Variants in RPL31 observed in about 807,000 individuals in gnomAD.
RPL31 encodes large ribosomal subunit protein eL31.
For missense variants in RPL31, 95 were observed against 164.0 expected (o/e 0.58, Z 2.30); for synonymous variants, 51 against 55.0 (o/e 0.93, Z 0.32).
At chr2:101,004,423 T>A in intron 3 of RPL31, 140 bp downstream of exon 3, 2 of 860,134 alleles carry the variant, frequency 2.3e-6, no homozygotes, top group Non-Finnish European at 1.8e-6. Context: ...GACCGTGACT[T>A]AGGGTGTGTA....
chr2:101,003,594 CTGT>C (rs1266953776), intron 2 of RPL31, among the ~76,000 whole-genome samples: 23 of 152,292 alleles, frequency 1.5e-4, no homozygotes, highest in African/African-American at 5.3e-4. Context: ...TTGCCAGCTG[CTGT>C]TATTTCTAGT....
chr2:101,006,219 A>T, intron 4 of RPL31, 131 bp from the exon 5 acceptor site: 1 of 1,512,160 alleles, frequency 6.6e-7, no homozygotes, highest in East Asian at 2.4e-5. Flanking sequence ...AAAGAATGCA[A>T]AACTGATCCA....
downstream of RPL31, chr2:101,007,696 G>GTTGT: frequency 1.0e-6 from 1 of 975,334 alleles, no homozygotes; most frequent in Non-Finnish European, 1.5e-6. Flanking sequence ...AGTTTGTCAG[G>GTTGT]TTGTTTAGCC....
chr2:101,017,147 T>C (rs546740688), intron 4 of RPL31, among the ~76,000 whole-genome samples: 2 of 151,752 alleles, frequency 1.3e-5, no homozygotes, highest in South Asian at 4.2e-4. Context: ...AATATCAGTG[T>C]CTTCCACGTC....
downstream of RPL31, chr2:101,007,879 A>C (rs746657341): frequency 3.3e-5 from 54 of 1,613,586 alleles, no homozygotes; most frequent in Non-Finnish European, 4.6e-5. Context: ...AAAAGTTTTG[A>C]GATTGTACTG....
rs1256840976 is a variant in RPL31 at position 101,006,454 on chromosome 2, GTACTTGTA to G, written c.*77_*84del. 1 of 1,391,374 alleles carries G rather than the reference GTACTTGTA, an allele frequency of 7.2e-7. No individual in the cohort carries two copies. Among genetic ancestry groups the G allele is most frequent in the African/African-American group, 1.4e-5 (1 of 70,030 alleles). 86.2% of individuals were successfully genotyped at this position (1,391,374 alleles called of 1,614,324 possible). A position where few individuals can be genotyped will look rare whatever the true frequency, so the allele number is the denominator to read the frequency against. On this transcript the variant is annotated 3_prime_UTR_variant, in exon 5 of 5. Transcript: ENST00000264258. ...TTGTTCTTTTTAGTTGCAACATAAT[GTACTTGTA>G]TACCCTATCCTAATTATGGGATCAT...
chr2:101,012,959 G>A (rs1305822990), intron 4 of RPL31, among the ~76,000 whole-genome samples: 1 of 152,228 alleles, frequency 6.6e-6, no homozygotes, highest in Non-Finnish European at 1.5e-5. Context: ...TGCAAACCGT[G>A]AATGGTACCT....
In RPL31 at chr2:101,006,618, G is replaced by GTTAA; in HGVS notation, c.*241_*244dup. On this transcript the variant is annotated 3_prime_UTR_variant, in exon 5 of 5. Coordinates refer to ENST00000264258, the MANE Select transcript of RPL31 (RefSeq NM_000993.5). ...GTAGTTGGGATACTGAAGGCATATT[G>GTTAA]TTAATTATTCTACTTGTATGTTTTG... is the stretch of plus-strand genomic sequence containing the variant. The GTTAA allele has an allele frequency of 2.3e-6, 1 of 430,162 alleles. No individual in the cohort carries two copies. Among genetic ancestry groups the GTTAA allele is most frequent in the Non-Finnish European group, 4.1e-6 (1 of 245,358 alleles). The allele number at this position is 430,162 out of a possible 1,614,324, so 26.6% of individuals were successfully genotyped here.
Position 101,006,386 on chromosome 2 carries a change from T to C in RPL31, c.*5T>C. On this transcript the variant is annotated 3_prime_UTR_variant, in exon 5 of 5. Transcript: ENST00000264258. ...GTCAATGTGGATGAGAACTAATCGC[T>C]GATCGTCAGATCAAATAAAGTTATA... 1.2e-6 allele frequency: 2 copies of C among 1,608,660 alleles called. No homozygotes were observed. The highest frequency in any genetic ancestry group is 1.7e-6 in the Non-Finnish European group (2 of 1,178,774).
intron 1 of RPL31, 114 bp downstream of exon 1, chr2:101,002,429 G>A: frequency 6.3e-6 from 3 of 472,714 alleles, no homozygotes; most frequent in Non-Finnish European, 1.2e-5. Flanking sequence ...TCCGGTTGTG[G>A]GGAGATGGGA....
chr2:101,012,979 A>G (rs1558617899), intron 4 of RPL31, among the ~76,000 whole-genome samples: 1 of 152,248 alleles, frequency 6.6e-6, no homozygotes, highest in Non-Finnish European at 1.5e-5. Context: ...TGGGGCAGTC[A>G]GGATGGAAAT....
intron 2 of RPL31, 137 bp downstream of exon 2, chr2:101,002,945 C>T (rs1403746117): frequency 9.0e-6 from 6 of 667,938 alleles, no homozygotes; most frequent in South Asian, 5.3e-5. Context: ...TTAACAAATC[C>T]TGTGGGCTCT....
intron 2 of RPL31, among the ~76,000 whole-genome samples, chr2:101,003,248 G>GT (rs989488775): frequency 4.6e-5 from 7 of 152,152 alleles, no homozygotes; most frequent in Admixed American, 1.3e-4. Flanking sequence ...ATGCCTGAAT[G>GT]TTTTTTCCAC....
At chr2:101,017,620 C>G (rs770258278) in intron 4 of RPL31, among the ~76,000 whole-genome samples, 14 of 152,126 alleles carry the variant, frequency 9.2e-5, no homozygotes, top group Non-Finnish European at 1.8e-4. Flanking sequence ...CTGCAGATAC[C>G]CTTGGCAAAG....
At chr2:101,017,307 T>C (rs938199897) in intron 4 of RPL31, among the ~76,000 whole-genome samples, 1 of 152,148 alleles carries the variant, frequency 6.6e-6, no homozygotes, top group Admixed American at 6.5e-5. Flanking sequence ...CATGCTAAAA[T>C]AATGATAAAT....
At chr2:101,007,451 A>G (rs1678810019), downstream of RPL31, among the ~76,000 whole-genome samples, 1 of 152,174 alleles carries the variant, frequency 6.6e-6, no homozygotes, top group African/African-American at 2.4e-5. Flanking sequence ...GACCTCTCCC[A>G]TTGTCACTCC....
chr2:101,003,619 C>A (rs955529286), intron 2 of RPL31, among the ~76,000 whole-genome samples: 2 of 152,144 alleles, frequency 1.3e-5, no homozygotes, highest in Admixed American at 6.5e-5. Context: ...CCGTTTACTT[C>A]TGGATGTTTT....
At chr2:101,017,917 A>C in intron 4 of RPL31, 6 of 1,550,860 alleles carry the variant, frequency 3.9e-6, no homozygotes, top group Non-Finnish European at 5.2e-6. Context: ...AAACCGAACA[A>C]GAAGAGGAAA....
rs1230284558 is a variant in RPL31, at chr2:101,004,238, G to A, written c.188G>A (p.Arg63His). Residue 63 changes from arginine (R) to histidine (H), a missense_variant, in exon 3 of 5, where the codon CGC (arginine) becomes CAC (histidine). Coordinates refer to ENST00000264258, the MANE Select transcript of RPL31 (RefSeq NM_000993.5). ...AAGGAGATGGGAACTCCAGATGTGC[G>A]CATTGACACCAGGCTCAACAAAGCT... The part of the protein sequence containing the change: ...AMKEMGTPDV[R>H]IDTRLNKAVW... 6.2e-6 allele frequency: 10 copies of A among 1,614,052 alleles called. No individual in the cohort carries two copies. Among genetic ancestry groups the A allele is most frequent in the South Asian group, 1.1e-5 (1 of 91,084 alleles).
Sources: gnomAD v4.1 joint callset for allele counts (sites outside exome capture counted in the v4.1 genomes callset) on GRCh38, gnomAD v4.1.1 for gene constraint, MANE v1.5 for transcripts, NCBI Gene and HGNC (gene_info 2026-07-23, HGNC 2026-07-21) for gene names.